Variants in PTGER3 observed in about 807,000 individuals in gnomAD.
The protein encoded by PTGER3 is prostaglandin E receptor 3.
Under a neutral mutation model 34.7 loss-of-function variants are expected in PTGER3, and 22 were observed. The observed-to-expected ratio is 0.63, with a 90% confidence interval of 0.45 to 0.91. The LOEUF (loss-of-function observed/expected upper bound fraction) is 0.91. Among genes scored for constraint, PTGER3 ranks in the 40% least tolerant of loss-of-function variants. PTGER3 has a pLI of 0.00. For synonymous variants in PTGER3, 241 were observed against 230.1 expected (o/e 1.05, Z -0.43); for missense variants, 468 against 519.4 (o/e 0.90, Z 0.96).
chr1:70,952,577 C>T, exon 4 of PTGER3: 3 of 1,005,490 alleles, frequency 3.0e-6, no homozygotes, highest in Non-Finnish European at 3.6e-6. Flanking sequence ...TTAAAATACT[C>T]TTGCATTTCT....
chr1:70,910,480 C>T (rs1392308580), intron 4 of PTGER3, among the ~76,000 whole-genome samples: 1 of 152,168 alleles, frequency 6.6e-6, no homozygotes, highest in Non-Finnish European at 1.5e-5. Context: ...ATGATGATGG[C>T]TCACTGCAGC....
At chr1:70,985,684 G>A (rs1363326469) in intron 2 of PTGER3, among the ~76,000 whole-genome samples, 1 of 152,148 alleles carries the variant, frequency 6.6e-6, no homozygotes, top group Non-Finnish European at 1.5e-5. Context: ...AATACAAAGG[G>A]CTGCCTTTGC....
At chr1:71,046,285 CAAAAAAA>C (rs34411077) in intron 1 of PTGER3, among the ~76,000 whole-genome samples, 1 of 81,176 alleles carries the variant, frequency 1.2e-5, no homozygotes, top group Non-Finnish European at 2.2e-5. Context: ...GACTCCGTCT[CAAAAAAA>C]AAAAAAAAAA....
Position 71,012,501 on chromosome 1 carries a change from A to G in PTGER3, c.898-17T>C. On this transcript the variant is annotated splice_polypyrimidine_tract_variant and intron_variant, in intron 1 of 3. Transcript: ENST00000306666. ...CATCATTATCTAAGAAAAGGGGACA[A>G]ATAATTGTTTCAAAGATTAGTAAGG... The G allele has an allele frequency of 6.2e-7, 1 of 1,602,500 alleles. No homozygotes were observed. The highest frequency in any genetic ancestry group is 1.7e-5 in the Admixed American group (1 of 59,750).
intron 1 of PTGER3, among the ~76,000 whole-genome samples, chr1:71,043,693 TA>T (rs1222874069): frequency 2.0e-5 from 3 of 152,236 alleles, no homozygotes; most frequent in Non-Finnish European, 4.4e-5. Context: ...TTCAATTCAC[TA>T]AATTCTAGTG....
chr1:70,977,971 C>A lies in PTGER3; in HGVS notation c.1078-3583G>T, dbSNP rs185531008. ...CTCCCTTTGTCAGAAACTGTTCAAA[C>A]ACTTTACAAATAATAATTCATTTAA... On this transcript the variant is annotated intron_variant, in intron 2 of 3. Transcript: ENST00000306666. 5.5e-4 allele frequency among the ~76,000 whole-genome samples: 84 copies of A among 152,266 alleles called. No individual in the cohort carries two copies. In the East Asian group the frequency reaches 0.014, roughly 25 times the overall value.
chr1:70,977,349 C>T (rs1653805293), intron 2 of PTGER3, among the ~76,000 whole-genome samples: 1 of 152,040 alleles, frequency 6.6e-6, no homozygotes. Flanking sequence ...AGCCATGCTG[C>T]CTCTGTGGGC....
chr1:70,873,755 C>T (rs1414480440), intron 4 of PTGER3, among the ~76,000 whole-genome samples: 1 of 151,240 alleles, frequency 6.6e-6, no homozygotes, highest in Non-Finnish European at 1.5e-5. Context: ...TCAAGAGATT[C>T]TCCTGCTTCA....
intron 2 of PTGER3, among the ~76,000 whole-genome samples, chr1:70,984,349 T>C (rs1654696673): frequency 6.6e-6 from 1 of 150,566 alleles, no homozygotes; most frequent in Non-Finnish European, 1.5e-5. Context: ...ATCATACCAC[T>C]GCACTCCAGC....
At chr1:70,955,267 A>C (rs1651200683) in intron 2 of PTGER3, among the ~76,000 whole-genome samples, 1 of 152,176 alleles carries the variant, frequency 6.6e-6, no homozygotes, top group African/African-American at 2.4e-5. Context: ...AGTTTATAAT[A>C]ATAATCTCAT....
chr1:70,950,441 A>T (rs1470893030), downstream of PTGER3, among the ~76,000 whole-genome samples: 1 of 152,162 alleles, frequency 6.6e-6, no homozygotes, highest in Non-Finnish European at 1.5e-5. Context: ...CCTTCACCTC[A>T]CTGGGTCACA....
intron 1 of PTGER3, among the ~76,000 whole-genome samples, chr1:71,038,795 A>T (rs1660039579): frequency 6.6e-6 from 1 of 152,200 alleles, no homozygotes; most frequent in Non-Finnish European, 1.5e-5. Context: ...GTCTGACTTA[A>T]GGCTTGTGTA....
intron 1 of PTGER3, among the ~76,000 whole-genome samples, chr1:71,020,697 AGTGTGTGTGTGT>A (rs112981971): frequency 3.5e-5 from 5 of 144,888 alleles, no homozygotes; most frequent in Middle Eastern, 3.5e-3. Context: ...ATGTTAGCAG[AGTGTGTGTGTGT>A]GTGTGTGTGT....
At chr1:71,029,906 A>T (rs538187021) in intron 1 of PTGER3, among the ~76,000 whole-genome samples, 2 of 148,602 alleles carry the variant, frequency 1.3e-5, no homozygotes, top group East Asian at 4.0e-4. Context: ...AGCCTGGGTG[A>T]CAGAGTGAGA....
intron 4 of PTGER3, among the ~76,000 whole-genome samples, chr1:70,898,120 G>A (rs755346997): frequency 6.6e-6 from 1 of 152,032 alleles, no homozygotes; most frequent in African/African-American, 2.4e-5. Context: ...TGCTGGCTCT[G>A]GGAATTGTCC....
intron 4 of PTGER3, among the ~76,000 whole-genome samples, chr1:70,946,741 T>C (rs1249151366): frequency 6.6e-6 from 1 of 152,162 alleles, no homozygotes; most frequent in Non-Finnish European, 1.5e-5. Context: ...ATAGGTTTTC[T>C]ATTTGACACT....
intron 4 of PTGER3, among the ~76,000 whole-genome samples, chr1:70,913,708 C>T (rs7539573): frequency 0.01 from 1,553 of 151,592 alleles, 37 homozygotes; most frequent in African/African-American, 0.036. Context: ...GATTTTTTTT[C>T]GATGTTTTTT....
At chr1:70,910,398 T>C (rs556820255) in intron 4 of PTGER3, among the ~76,000 whole-genome samples, 1 of 152,288 alleles carries the variant, frequency 6.6e-6, no homozygotes, top group Non-Finnish European at 1.5e-5. Flanking sequence ...TGTGACTTTA[T>C]TTTTTATTTT....
At chr1:70,977,672 C>A (rs534656483) in intron 2 of PTGER3, among the ~76,000 whole-genome samples, 265 of 152,142 alleles carry the variant, frequency 1.7e-3, no homozygotes, top group African/African-American at 5.8e-3. Context: ...ACAGGTCATC[C>A]CGCTCCCATA....
Sources: allele counts gnomAD v4.1 joint callset (sites outside exome capture counted in the v4.1 genomes callset), GRCh38; gene constraint gnomAD v4.1.1; transcripts MANE v1.5; gene names NCBI Gene and HGNC (gene_info 2026-07-23, HGNC 2026-07-21).